SLC4A9: variants seen among roughly 807,000 people sequenced by gnomAD.
SLC4A9 encodes solute carrier family 4 member 9, also known as anion exchange protein 4.
SLC4A9 carries 102 observed loss-of-function variants against 103.2 expected under a neutral mutation model. That is an observed-to-expected ratio of 0.99 (90% CI 0.84 to 1.17). The LOEUF (loss-of-function observed/expected upper bound fraction) is 1.17, where lower values mean the gene tolerates loss of function less well. Ranked by LOEUF, SLC4A9 falls within the 50% of genes most tolerant of loss-of-function variation. SLC4A9 has a pLI of 0.00. For synonymous variants in SLC4A9, 453 were observed against 483.6 expected (o/e 0.94, Z 0.83); for missense variants, 1,091 against 1,193.7 (o/e 0.91, Z 1.27).
rs375757202 is a variant in SLC4A9, at chr5:140,362,533, G to A, written c.807+1G>A. ...AGCAGCTGTCCTCCTCAGTGACCCG[G>A]TGAGCTGAGCAGGTGTGTGTGTGTG... On this transcript the variant is annotated splice_donor_variant, in intron 6 of 21. Coordinates refer to ENST00000506757, the MANE Select transcript of SLC4A9 (RefSeq NM_031467.3). LOFTEE classifies it high-confidence loss of function. 8 of 1,613,806 alleles carry A rather than the reference G, an allele frequency of 5.0e-6. No homozygotes were observed. The African/African-American group carries it at 9.3e-5, about 19-fold the overall frequency.
At position 140,363,443 on chromosome 5, in the gene SLC4A9, C is replaced by G. The variant is rs1046277492; in HGVS notation, c.967C>G (p.Pro323Ala). The stretch of plus-strand genomic sequence containing the variant: ...TGGGGTTCCCCTCCTCCTCAGGCTT[C>G]CCTCGCAACAGCGGGAGATCAGAGG... Reference protein sequence around the residue: ...KCLPSQHKRLPSQQREIRGPA... With the variant: ...KCLPSQHKRLASQQREIRGPA... Residue 323 changes from proline (P) to alanine (A), a missense_variant, in exon 8 of 22, where the codon CCC becomes GCC. Pro to Ala is a conservative substitution (Grantham distance 27). Coordinates refer to ENST00000506757, the MANE Select transcript of SLC4A9 (RefSeq NM_031467.3). This position sits in a 1 kb window ranked among gnomAD's most constrained non-coding sequence, Gnocchi z 4.5. The G allele has an allele frequency of 6.4e-6, 10 of 1,551,156 alleles. No homozygotes were observed. In the African/African-American group the frequency reaches 1.2e-4, roughly 19 times the overall value.
chr5:140,372,968 TG>T, intron 21 of SLC4A9, 125 bp downstream of exon 21: 1 of 546,570 alleles, frequency 1.8e-6, no homozygotes, highest in Non-Finnish European at 3.1e-6. Context: ...AATCCTAGAT[TG>T]GGGGTGCTGG....
rs921613366 is a variant in SLC4A9 at position 140,371,179 on chromosome 5, T to C, written c.2496+16T>C. 6.2e-7 allele frequency: 1 copy of C among 1,602,864 alleles called. No homozygotes were observed. Among genetic ancestry groups the C allele is most frequent in the Non-Finnish European group, 8.5e-7 (1 of 1,174,194 alleles). ...CAGCATTCAGGTGAGCCCATTAAAA[T>C]CACCTAACAAAAGAAAAAAGAAGAA... On this transcript the variant is annotated intron_variant, in intron 18 of 21. Coordinates refer to ENST00000506757, the MANE Select transcript of SLC4A9 (RefSeq NM_031467.3).
Position 140,361,275 on chromosome 5 carries a change from C to A in SLC4A9, c.413C>A (p.Ser138Ter). Residue 138 changes from serine to a stop codon, truncating the protein, a stop_gained, in exon 3 of 22, where the codon TCG (serine) becomes TAG (stop). Transcript: ENST00000506757. LOFTEE classifies it high-confidence loss of function. ...CCAGAGCAGGTGACCAGGGTGGAGT[C>A]GCTGAGCCCAGAGCTGAGAGGGCAG... ...ELVEQVTRVE[S>*]LSPELRGQLQ... is the part of the protein sequence containing the mutation. 6.4e-7 allele frequency: 1 copy of A among 1,567,612 alleles called. No homozygotes were observed. The highest frequency in any genetic ancestry group is 8.6e-7 in the Non-Finnish European group (1 of 1,156,078).
chr5:140,361,634 C>T (rs1767098446), intron 3 of SLC4A9, among the ~76,000 whole-genome samples, 174 bp from the exon 4 acceptor site: 1 of 152,234 alleles, frequency 6.6e-6, no homozygotes, highest in Admixed American at 6.5e-5. Context: ...CACAACCACC[C>T]TGTAAATAGT....
chr5:140,360,743 C>T, intron 1 of SLC4A9, 69 bp from the exon 2 acceptor site: 2 of 1,604,950 alleles, frequency 1.2e-6, no homozygotes, highest in Non-Finnish European at 1.7e-6. Flanking sequence ...TCCCTAGCTC[C>T]TCTGCATCTC....
At chr5:140,373,758 C>T (rs1561635180) in intron 21 of SLC4A9, among the ~76,000 whole-genome samples, 1 of 152,130 alleles carries the variant, frequency 6.6e-6, no homozygotes, top group Non-Finnish European at 1.5e-5. Context: ...CAGTGCACTC[C>T]AGCCTGGGCA....
rs141497030 is a variant in SLC4A9, at chr5:140,365,351, G to A, written c.1652-169G>A. On this transcript the variant is annotated intron_variant, in intron 11 of 21. Transcript: ENST00000506757. ...TGGGTAGAGAATTTGAGAGGATGGG[G>A]GCATGAGACAATGTCCTTCTCGCAC... is the stretch of plus-strand genomic sequence containing the variant. Among the ~76,000 whole-genome samples the A allele has an allele frequency of 2.6e-3, 395 of 152,298 alleles. 1 individual carries two copies. Among genetic ancestry groups the A allele is most frequent in the Middle Eastern group, 0.014 (4 of 294 alleles).
chr5:140,366,361 T>C, intron 14 of SLC4A9, 97 bp downstream of exon 14: 1 of 831,302 alleles, frequency 1.2e-6, no homozygotes, highest in South Asian at 1.8e-5. Context: ...TTCTCTAAGC[T>C]TCTTTCTTCA....
rs780783508 is a variant in SLC4A9 at position 140,363,910 on chromosome 5, G to A, written c.1254+8G>A. 6.2e-7 allele frequency: 1 copy of A among 1,612,616 alleles called. No homozygotes were observed. The highest frequency in any genetic ancestry group is 1.7e-5 in the Admixed American group (1 of 59,986). Reference sequence around the variant, plus strand: ...GCCACTGATGGTGCCCAGGTGGGTAGGGCCCAGGGGGCAGGCACAAGCGTT... The same window carrying A: ...GCCACTGATGGTGCCCAGGTGGGTAAGGCCCAGGGGGCAGGCACAAGCGTT... On this transcript the variant is annotated splice_region_variant and intron_variant, in intron 9 of 21. Coordinates refer to ENST00000506757, the MANE Select transcript of SLC4A9 (RefSeq NM_031467.3). This position sits in a 1 kb window ranked among gnomAD's most constrained non-coding sequence, Gnocchi z 4.5.
At chr5:140,364,326 C>T in intron 10 of SLC4A9, 37 bp from the exon 11 acceptor site, 1 of 1,609,954 alleles carries the variant, frequency 6.2e-7, no homozygotes, top group Non-Finnish European at 8.5e-7. Context: ...AGCAGACAGC[C>T]CTGCTAAGCC....
intron 3 of SLC4A9, 79 bp from the exon 4 acceptor site, chr5:140,361,729 G>T: frequency 6.6e-7 from 1 of 1,514,772 alleles, no homozygotes; most frequent in Non-Finnish European, 9.2e-7. Context: ...GCTTGTCAGT[G>T]GCAAAAGTGA....
intron 19 of SLC4A9, among the ~76,000 whole-genome samples, 164 bp from the exon 20 acceptor site, chr5:140,372,078 T>C (rs1768804136): frequency 6.6e-6 from 1 of 152,234 alleles, no homozygotes; most frequent in South Asian, 2.1e-4. Flanking sequence ...TCCTTCCCTG[T>C]ACAATGGGAA....
chr5:140,368,661 T>C lies in SLC4A9; in HGVS notation c.2427+2T>C. On this transcript the variant is annotated splice_donor_variant, in intron 17 of 21. Transcript: ENST00000506757. LOFTEE classifies it high-confidence loss of function. The stretch of plus-strand genomic sequence containing the variant: ...ATCTTCCTGGCACCTGTGCTCAAGG[T>C]ACCTTTGTTATACAAGCCAGGATCA... 6.2e-7 allele frequency: 1 copy of C among 1,612,876 alleles called. No individual in the cohort carries two copies. Among genetic ancestry groups the C allele is most frequent in the Non-Finnish European group, 8.5e-7 (1 of 1,179,266 alleles).
Position 140,363,486 on chromosome 5 carries a change from T to G in SLC4A9, c.1010T>G (p.Leu337Arg). ...ATCAGAGGTCCCGCCGTCCCGCGCC[T>G]GACCTCGGCTGAGGACAGGCACCGC... Reference protein sequence around the residue: ...REIRGPAVPRLTSAEDRHRHG... With the variant: ...REIRGPAVPRRTSAEDRHRHG... Residue 337 changes from leucine to arginine, a missense_variant, in exon 8 of 22, where the codon CTG becomes CGG. By Grantham distance (102) the Leu-to-Arg change is moderately radical (BLOSUM62 -2). Transcript: ENST00000506757. This position sits in a 1 kb window ranked among gnomAD's most constrained non-coding sequence, Gnocchi z 4.5. 1.3e-6 allele frequency: 2 copies of G among 1,551,312 alleles called. No homozygotes were observed. Among genetic ancestry groups the G allele is most frequent in the Non-Finnish European group, 1.7e-6 (2 of 1,147,114 alleles).
In SLC4A9 at chr5:140,363,796, C is replaced by T. The variant is rs371157304; in HGVS notation, c.1148C>T (p.Ala383Val). 12 of 1,613,862 alleles carry T rather than the reference C, an allele frequency of 7.4e-6. No homozygotes were observed. Among genetic ancestry groups the T allele is most frequent in the Non-Finnish European group, 1.0e-5 (12 of 1,179,860 alleles). The change falls in exon 9 of 22, where the codon GCC (alanine) becomes GTC (valine). Residue 383 changes from alanine to valine, a missense_variant. Physicochemically the swap from Ala to Val is moderately conservative, Grantham distance 64. Coordinates refer to ENST00000506757, the MANE Select transcript of SLC4A9 (RefSeq NM_031467.3). This position sits in a 1 kb window ranked among gnomAD's most constrained non-coding sequence, Gnocchi z 4.5. ...VPWYPSDFLD[A>V]LHLQCFSAVL... ...TGGTACCCCAGCGATTTCTTGGACG[C>T]CCTGCATCTCCAGTGCTTCTCGGCC...
chr5:140,367,072 G>C (rs886582475), intron 14 of SLC4A9, among the ~76,000 whole-genome samples: 3 of 152,228 alleles, frequency 2.0e-5, no homozygotes, highest in African/African-American at 7.2e-5. Context: ...GTCTGAGCCT[G>C]AGTTGCCCCA....
chr5:140,374,231 AACACCC>A (rs1769157185), intron 21 of SLC4A9, among the ~76,000 whole-genome samples: 1 of 150,320 alleles, frequency 6.7e-6, no homozygotes, highest in Non-Finnish European at 1.5e-5. Context: ...TAGGCCATAG[AACACCC>A]TCATCTTCAT....
rs1405729085 is a variant in SLC4A9 at position 140,371,116 on chromosome 5, T to G, written c.2449T>G (p.Tyr817Asp). The change falls in exon 18 of 22, where the codon TAT becomes GAT. Residue 817 changes from tyrosine (Y) to aspartate (D), a missense_variant. Coordinates refer to ENST00000506757, the MANE Select transcript of SLC4A9 (RefSeq NM_031467.3). ...CCAGTTCATTCCAATGCCTGTGCTC[T>G]ATGGCATCTTCCTGTATATGGGGGT... Reference protein sequence around the residue: ...VLKFIPMPVLYGIFLYMGVAA... With the variant: ...VLKFIPMPVLDGIFLYMGVAA... The G allele has an allele frequency of 3.1e-6, 5 of 1,612,328 alleles. No homozygotes were observed. Among genetic ancestry groups the G allele is most frequent in the African/African-American group, 1.3e-5 (1 of 75,042 alleles).
Sources: allele counts gnomAD v4.1 joint callset (sites outside exome capture counted in the v4.1 genomes callset), GRCh38; gene constraint gnomAD v4.1.1; non-coding constraint Gnocchi (gnomAD v3.1); transcripts MANE v1.5; gene names NCBI Gene and HGNC (gene_info 2026-07-23, HGNC 2026-07-21).